SPRED1: variants seen among roughly 807,000 people sequenced by gnomAD.
The protein encoded by SPRED1 is sprouty related EVH1 domain containing 1.
A neutral mutation model predicts 52.3 loss-of-function variants in SPRED1; 18 were observed. That is an observed-to-expected ratio of 0.34 (90% CI 0.24 to 0.51). The LOEUF is 0.51. Ranked by LOEUF, SPRED1 falls within the 20% of genes least tolerant of loss-of-function variation. The probability of loss-of-function intolerance (pLI) is 0.97; values close to 1 mark genes in which losing one functional copy is unlikely to be tolerated. For synonymous variants in SPRED1, 155 were observed against 179.7 expected (o/e 0.86, Z 1.10); for missense variants, 485 against 551.0 (o/e 0.88, Z 1.20).
At chr15:38,283,966 T>C (rs1416264004) in intron 1 of SPRED1, among the ~76,000 whole-genome samples, 1 of 152,166 alleles carries the variant, frequency 6.6e-6, no homozygotes, top group Non-Finnish European at 1.5e-5. Flanking sequence ...GATCACTTTA[T>C]TTTAGATAGT....
At chr15:38,291,647 A>G (rs922026510) in intron 1 of SPRED1, among the ~76,000 whole-genome samples, 1 of 152,314 alleles carries the variant, frequency 6.6e-6, no homozygotes, top group East Asian at 1.9e-4. Flanking sequence ...CACCATGTAG[A>G]AGCTGCCAAG....
chr15:38,271,545 C>G (rs761031324), intron 1 of SPRED1, among the ~76,000 whole-genome samples: 2 of 152,206 alleles, frequency 1.3e-5, no homozygotes, highest in Non-Finnish European at 2.9e-5. Flanking sequence ...TTGAAGCTTA[C>G]TCTGTTCCAG....
At chr15:38,339,339 T>G (rs7162726) in intron 4 of SPRED1, among the ~76,000 whole-genome samples, 125,243 of 152,104 alleles carry the variant, frequency 0.82, 52,376 homozygotes, top group Non-Finnish European at 0.9. Context: ...GCAGAGTTCT[T>G]TGAACATTTT....
chr15:38,285,849 G>A (rs747275660), intron 1 of SPRED1, among the ~76,000 whole-genome samples: 15 of 152,148 alleles, frequency 9.9e-5, no homozygotes, highest in Non-Finnish European at 1.8e-4. Context: ...TCCAATAAAC[G>A]AACAGACACG....
intron 1 of SPRED1, among the ~76,000 whole-genome samples, chr15:38,279,413 G>A (rs552678142): frequency 6.6e-6 from 1 of 152,294 alleles, no homozygotes; most frequent in South Asian, 2.1e-4. Flanking sequence ...CTTAAGAGTG[G>A]ATGCAGAATA....
intron 2 of SPRED1, among the ~76,000 whole-genome samples, chr15:38,314,327 T>A (rs111536539): frequency 6.6e-6 from 1 of 151,998 alleles, no homozygotes; most frequent in African/African-American, 2.4e-5. Flanking sequence ...TTTTCTTGTG[T>A]TTATTCTTGC....
chr15:38,337,235 A>G (rs1326386523), intron 4 of SPRED1, among the ~76,000 whole-genome samples: 1 of 152,188 alleles, frequency 6.6e-6, no homozygotes, highest in Non-Finnish European at 1.5e-5. Flanking sequence ...TTTAATATGC[A>G]TTTAAGCATT....
chr15:38,271,868 C>T (rs1024833813), intron 1 of SPRED1, among the ~76,000 whole-genome samples: 1 of 152,124 alleles, frequency 6.6e-6, no homozygotes, highest in African/African-American at 2.4e-5. Flanking sequence ...AGGTAGTAAG[C>T]ATAGTACCCA....
At chr15:38,310,781 A>G (rs1002410922) in intron 2 of SPRED1, among the ~76,000 whole-genome samples, 3 of 152,220 alleles carry the variant, frequency 2.0e-5, no homozygotes, top group East Asian at 3.8e-4. Context: ...TGTCCATTGT[A>G]TATAGACATG....
At chr15:38,335,192 C>G (rs1032028454) in intron 4 of SPRED1, among the ~76,000 whole-genome samples, 3 of 151,940 alleles carry the variant, frequency 2.0e-5, no homozygotes, top group African/African-American at 7.3e-5. Flanking sequence ...AATTATGTAC[C>G]TTGCAAAAGA....
chr15:38,292,217 C>G (rs1195840410), intron 1 of SPRED1, among the ~76,000 whole-genome samples: 2 of 152,178 alleles, frequency 1.3e-5, no homozygotes, highest in Admixed American at 6.5e-5. Context: ...CAACAAGTTC[C>G]TCATCTCCAT....
At chr15:38,261,183 A>G (rs1894196919) in intron 1 of SPRED1, among the ~76,000 whole-genome samples, 1 of 152,226 alleles carries the variant, frequency 6.6e-6, no homozygotes, top group South Asian at 2.1e-4. Context: ...AATAAAGTAA[A>G]TGTTCATAAA....
At chr15:38,275,457 G>A (rs1274610649) in intron 1 of SPRED1, among the ~76,000 whole-genome samples, 1 of 152,142 alleles carries the variant, frequency 6.6e-6, no homozygotes, top group Non-Finnish European at 1.5e-5. Flanking sequence ...CTCTATGGGT[G>A]CTAGATGTGC....
chr15:38,337,759 T>C (rs562151735), intron 4 of SPRED1, among the ~76,000 whole-genome samples: 1 of 152,072 alleles, frequency 6.6e-6, no homozygotes, highest in East Asian at 1.9e-4. Context: ...ATATAACTTC[T>C]CAGTTATTAT....
chr15:38,286,067 G>A (rs1302265494), intron 1 of SPRED1, among the ~76,000 whole-genome samples: 1 of 151,982 alleles, frequency 6.6e-6, no homozygotes, highest in Non-Finnish European at 1.5e-5. Flanking sequence ...AACATAGTGA[G>A]GCCCTGTCTC....
At chr15:38,314,754 T>G (rs1189512204) in intron 2 of SPRED1, among the ~76,000 whole-genome samples, 1 of 151,950 alleles carries the variant, frequency 6.6e-6, no homozygotes, top group Non-Finnish European at 1.5e-5. Flanking sequence ...TTTTTTATAT[T>G]AACTATTTAG....
intron 4 of SPRED1, among the ~76,000 whole-genome samples, chr15:38,331,672 C>A (rs144143434): frequency 6.6e-6 from 1 of 151,788 alleles, no homozygotes; most frequent in African/African-American, 2.4e-5. Context: ...TTATATCATA[C>A]GCATTTATAC....
At chr15:38,322,442 T>C (rs749895544) in intron 3 of SPRED1, 33 bp downstream of exon 3, 1 of 1,602,786 alleles carries the variant, frequency 6.2e-7, no homozygotes, top group South Asian at 1.1e-5. Flanking sequence ...TTAATTTATT[T>C]ATCGGTTATA....
chr15:38,281,687 G>A (rs960983167), intron 1 of SPRED1, among the ~76,000 whole-genome samples: 3 of 149,080 alleles, frequency 2.0e-5, no homozygotes, highest in Admixed American at 6.9e-5. Flanking sequence ...ATAAGCTACC[G>A]TGCCTGGCCT....
Sources: allele counts gnomAD v4.1 joint callset (sites outside exome capture counted in the v4.1 genomes callset), GRCh38; gene constraint gnomAD v4.1.1; transcripts MANE v1.5; gene names NCBI Gene and HGNC (gene_info 2026-07-23, HGNC 2026-07-21).